SLC5A3: variants seen among roughly 807,000 people sequenced by gnomAD.
SLC5A3 encodes the protein solute carrier family 5 member 3, also known as sodium/myo-inositol cotransporter.
A neutral mutation model predicts 43.2 loss-of-function variants in SLC5A3; 10 were observed. The observed-to-expected ratio is 0.23, with a 90% confidence interval of 0.14 to 0.39. The LOEUF (loss-of-function observed/expected upper bound fraction) is 0.39. SLC5A3 is among the 10% of genes least tolerant of loss of function. SLC5A3 has a pLI of 1.00. For synonymous variants in SLC5A3, 349 were observed against 322.0 expected, an observed-to-expected ratio of 1.08 and a Z score of -0.90; for missense variants, 608 against 893.4, an observed-to-expected ratio of 0.68 and a Z score of 4.07.
At chr21:34,093,226 T>C (rs1475570603) in intron 1 of SLC5A3, among the ~76,000 whole-genome samples, 5 of 150,972 alleles carry the variant, frequency 3.3e-5, no homozygotes, top group Non-Finnish European at 5.9e-5. Flanking sequence ...GATACAAACC[T>C]CAACTTTTAA....
Position 34,097,346 on chromosome 21 carries a change from C to T in SLC5A3, c.2148C>T (p.Phe716=). The T allele has an allele frequency of 1.2e-6, 2 of 1,600,544 alleles. No homozygotes were observed. Among genetic ancestry groups the T allele is most frequent in the South Asian group, 2.3e-5 (2 of 88,592 alleles). ...CSLGIFMFVY[F]SL Reference sequence around the variant, plus strand: ...TTGGAATTTTCATGTTTGTTTATTTCTCCTTATGAACTTAAGGATATGGTG... The same window carrying T: ...TTGGAATTTTCATGTTTGTTTATTTTTCCTTATGAACTTAAGGATATGGTG... The change falls in exon 2 of 2, where the codon TTC becomes TTT. Residue 716 remains phenylalanine, a synonymous_variant. Transcript: ENST00000381151.
At chr21:34,074,387 G>T (rs1035205254) in intron 1 of SLC5A3, among the ~76,000 whole-genome samples, 20 of 152,238 alleles carry the variant, frequency 1.3e-4, no homozygotes, top group African/African-American at 4.8e-4. Context: ...CGCTCCGGGT[G>T]CCCTTAGCCC....
At chr21:34,076,916 A>T (rs1989345039) in intron 1 of SLC5A3, among the ~76,000 whole-genome samples, 1 of 152,244 alleles carries the variant, frequency 6.6e-6, no homozygotes, top group South Asian at 2.1e-4. Flanking sequence ...CAAAGGCTGT[A>T]ATGTGAAAGG....
intron 1 of SLC5A3, among the ~76,000 whole-genome samples, chr21:34,075,598 GGAGA>G (rs1176401126): frequency 2.6e-5 from 4 of 152,204 alleles, no homozygotes; most frequent in Admixed American, 2.0e-4. Flanking sequence ...ACTGCCTCTT[GGAGA>G]AAGAGGCCCC....
intron 1 of SLC5A3, among the ~76,000 whole-genome samples, chr21:34,094,253 A>G (rs1416671431): frequency 1.3e-5 from 2 of 152,192 alleles, no homozygotes; most frequent in East Asian, 3.9e-4. Context: ...CACAAGATCT[A>G]GGTTACTGTA....
At chr21:34,084,568 C>A (rs1989529477) in intron 1 of SLC5A3, among the ~76,000 whole-genome samples, 1 of 152,074 alleles carries the variant, frequency 6.6e-6, no homozygotes, top group Non-Finnish European at 1.5e-5. Context: ...TATATATACA[C>A]ACCTACATAT....
intron 1 of SLC5A3, among the ~76,000 whole-genome samples, chr21:34,081,060 A>G (rs1222002697): frequency 6.6e-6 from 1 of 152,190 alleles, no homozygotes; most frequent in African/African-American, 2.4e-5. Context: ...GGAAGACTTG[A>G]TAAAAGGTGA....
rs1446870928 is a variant in SLC5A3 at position 34,095,453 on chromosome 21, T to C, written c.255T>C (p.Asn85=). ...TTGCAGTGGGCGCATGGGAATTCAA[T>C]GCCTTACTGCTTTTACAACTTCTGG... The part of the protein sequence containing the change: ...SGFAVGAWEF[N]ALLLLQLLGW... Residue 85 remains asparagine (N), a synonymous_variant, in exon 2 of 2, where the codon AAT becomes AAC. Transcript: ENST00000381151. 1.2e-6 allele frequency: 2 copies of C among 1,614,032 alleles called. No homozygotes were observed. Among genetic ancestry groups the C allele is most frequent in the South Asian group, 1.1e-5 (1 of 91,090 alleles).
chr21:34,073,589 C>G lies in SLC5A3; in HGVS notation c.-493C>G, dbSNP rs1250000429. 2.3e-5 allele frequency: 22 copies of G among 946,204 alleles called. No individual in the cohort carries two copies. The highest frequency in any genetic ancestry group is 3.4e-5 in the Non-Finnish European group (22 of 649,232). 58.6% of individuals were successfully genotyped at this position (946,204 alleles called of 1,614,324 possible). A position where few individuals can be genotyped will look rare whatever the true frequency, so the allele number is the denominator to read the frequency against. ...CGCTCTCGGACCGTGCTTTCGCCGC[C>G]TGGGAGCCGTCCGGCGCAGCAGTTT... On this transcript the variant is annotated 5_prime_UTR_variant, in exon 1 of 2. Coordinates refer to ENST00000381151, the MANE Select transcript of SLC5A3 (RefSeq NM_006933.7).
chr21:34,102,053 A>G lies in SLC5A3; in HGVS notation c.*4698A>G. On this transcript the variant is annotated 3_prime_UTR_variant, in exon 2 of 2. Coordinates refer to ENST00000381151, the MANE Select transcript of SLC5A3 (RefSeq NM_006933.7). Reference sequence around the variant, plus strand: ...GGAACGTATGAGGCTGGATTGTGAAAAGGTAATCTTTCGATTGCTAGACTT... The same window carrying G: ...GGAACGTATGAGGCTGGATTGTGAAGAGGTAATCTTTCGATTGCTAGACTT... 1.0e-6 allele frequency: 1 copy of G among 1,000,118 alleles called. No individual in the cohort carries two copies. The highest frequency in any genetic ancestry group is 1.7e-5 in the African/African-American group (1 of 57,350). The allele number at this position is 1,000,118 out of a possible 1,614,324, so 62.0% of individuals were successfully genotyped here. A position where few individuals can be genotyped will look rare whatever the true frequency, so the allele number is the denominator to read the frequency against.
chr21:34,101,241 AT>A lies in SLC5A3; in HGVS notation c.*3889del, dbSNP rs1290664371. On this transcript the variant is annotated 3_prime_UTR_variant, in exon 2 of 2. Coordinates refer to ENST00000381151, the MANE Select transcript of SLC5A3 (RefSeq NM_006933.7). ...GCATATGTAGAATCATTTTCATTAGATTTAGAGCTTGAAGCACCTTGGCTCT... is the reference window on the plus strand; with the variant it reads ...GCATATGTAGAATCATTTTCATTAGATTAGAGCTTGAAGCACCTTGGCTCT... The A allele has an allele frequency of 1.0e-6, 1 of 1,000,150 alleles. No individual in the cohort carries two copies. Among genetic ancestry groups the A allele is most frequent in the Non-Finnish European group, 1.2e-6 (1 of 829,916 alleles). 62.0% of individuals were successfully genotyped at this position (1,000,150 alleles called of 1,614,324 possible).
intron 1 of SLC5A3, among the ~76,000 whole-genome samples, chr21:34,079,446 G>T (rs1989409077): frequency 6.6e-6 from 1 of 151,208 alleles, no homozygotes; most frequent in Non-Finnish European, 1.5e-5. Context: ...TCTTCTTTCT[G>T]TTTTTTTGAG....
chr21:34,105,031 C>G lies in SLC5A3; in HGVS notation c.*7676C>G. 1 of 999,984 alleles carries G rather than the reference C, an allele frequency of 1.0e-6. No homozygotes were observed. The highest frequency in any genetic ancestry group is 1.2e-6 in the Non-Finnish European group (1 of 829,830). The allele number at this position is 999,984 out of a possible 1,614,324, so 61.9% of individuals were successfully genotyped here. A position where few individuals can be genotyped will look rare whatever the true frequency, so the allele number is the denominator to read the frequency against. On this transcript the variant is annotated 3_prime_UTR_variant, in exon 2 of 2. Coordinates refer to ENST00000381151, the MANE Select transcript of SLC5A3 (RefSeq NM_006933.7). Reference sequence around the variant, plus strand: ...AGATCTCTAACTTTTGAGTGGCAAACAGATCAAGTCTTTTGCTCATAGACT... The same window carrying G: ...AGATCTCTAACTTTTGAGTGGCAAAGAGATCAAGTCTTTTGCTCATAGACT...
intron 1 of SLC5A3, among the ~76,000 whole-genome samples, chr21:34,075,829 A>G (rs559038192): frequency 6.6e-5 from 10 of 152,318 alleles, no homozygotes; most frequent in Middle Eastern, 3.4e-3. Context: ...AGGATTCTAA[A>G]ATAGGATGAA....
At chr21:34,085,813 A>G (rs1266359431) in intron 1 of SLC5A3, among the ~76,000 whole-genome samples, 1 of 152,112 alleles carries the variant, frequency 6.6e-6, no homozygotes, top group Non-Finnish European at 1.5e-5. Context: ...CGTGTTAGCT[A>G]GGGTGGTCTT....
At position 34,097,418 on chromosome 21, in the gene SLC5A3, T is replaced by G; in HGVS notation, c.*63T>G. On this transcript the variant is annotated 3_prime_UTR_variant, in exon 2 of 2. Transcript: ENST00000381151. ...CTGACTGGTCTTTGGGGAAAAAAGT[T>G]ATGTAACTGTGCATCTCTCAGGCAT... is the stretch of plus-strand genomic sequence containing the variant. 3 of 1,356,682 alleles carry G rather than the reference T, an allele frequency of 2.2e-6. No individual in the cohort carries two copies. Among genetic ancestry groups the G allele is most frequent in the Non-Finnish European group, 2.8e-6 (3 of 1,063,436 alleles). The allele number at this position is 1,356,682 out of a possible 1,614,324, so 84.0% of individuals were successfully genotyped here.
At chr21:34,079,117 G>C (rs757560071) in intron 1 of SLC5A3, among the ~76,000 whole-genome samples, 2 of 152,150 alleles carry the variant, frequency 1.3e-5, no homozygotes, top group Non-Finnish European at 2.9e-5. Context: ...TGTGGCTTCC[G>C]GGCCAGATCT....
rs1979331219 is a variant in SLC5A3 at position 34,103,327 on chromosome 21, A to AAAAAAAAG, written c.*5976_*5977insAAAGAAAA. 3 of 999,100 alleles carry AAAAAAAAG rather than the reference A, an allele frequency of 3.0e-6. No individual in the cohort carries two copies. In the South Asian group the frequency reaches 1.4e-4, roughly 47 times the overall value. The allele number at this position is 999,100 out of a possible 1,614,324, so 61.9% of individuals were successfully genotyped here. A position where few individuals can be genotyped will look rare whatever the true frequency, so the allele number is the denominator to read the frequency against. On this transcript the variant is annotated 3_prime_UTR_variant, in exon 2 of 2. Coordinates refer to ENST00000381151, the MANE Select transcript of SLC5A3 (RefSeq NM_006933.7). ...CTAGTGAAGGAAGTAAAAAAAAAAA[A>AAAAAAAAG]AAAACATGCATTACATTGACATACT...
intron 1 of SLC5A3, among the ~76,000 whole-genome samples, chr21:34,074,124 C>T (rs1308667070): frequency 2.0e-5 from 3 of 148,466 alleles, no homozygotes; most frequent in Non-Finnish European, 4.5e-5. Flanking sequence ...GACTCCGGCC[C>T]GTCCCCGCCA....
Sources: gnomAD v4.1 joint callset for allele counts (sites outside exome capture counted in the v4.1 genomes callset) on GRCh38, gnomAD v4.1.1 for gene constraint, MANE v1.5 for transcripts, NCBI Gene and HGNC (gene_info 2026-07-23, HGNC 2026-07-21) for gene names.